NALF1: variants seen among roughly 807,000 people sequenced by gnomAD.
The protein encoded by NALF1 is family with sequence similarity 155 member A.
Under a neutral mutation model 48.4 loss-of-function variants are expected in NALF1, and 3 were observed. That is an observed-to-expected ratio of 0.06 (90% CI 0.03 to 0.16). NALF1 has a LOEUF of 0.16. NALF1 is among the 10% of genes least tolerant of loss of function. NALF1 has a pLI of 1.00. For synonymous variants in NALF1, 262 were observed against 245.7 expected, an observed-to-expected ratio of 1.07 and a Z score of -0.62; for missense variants, 526 against 571.5, an observed-to-expected ratio of 0.92 and a Z score of 0.81.
chr13:107,242,976 C>A (rs973084813), intron 1 of NALF1, among the ~76,000 whole-genome samples: 2 of 152,088 alleles, frequency 1.3e-5, no homozygotes, highest in African/African-American at 2.4e-5. Context: ...TAGGCCAAGC[C>A]ACCCTCCCTC....
intron 1 of NALF1, among the ~76,000 whole-genome samples, chr13:107,290,337 C>T (rs1416043665): frequency 2.0e-5 from 3 of 152,004 alleles, no homozygotes; most frequent in African/African-American, 7.2e-5. Context: ...AAAAAGATGT[C>T]GATACGGTTT....
chr13:107,514,309 A>G (rs1875986998), intron 1 of NALF1, among the ~76,000 whole-genome samples: 1 of 152,184 alleles, frequency 6.6e-6, no homozygotes, highest in South Asian at 2.1e-4. Context: ...TTACTTTCCT[A>G]CAGGTCCAAG....
chr13:107,756,841 ATTGT>A (rs1877114015), intron 1 of NALF1, among the ~76,000 whole-genome samples: 1 of 152,134 alleles, frequency 6.6e-6, no homozygotes, highest in Non-Finnish European at 1.5e-5. Context: ...GCATTGAAAA[ATTGT>A]TTGCTCACAT....
intron 1 of NALF1, among the ~76,000 whole-genome samples, chr13:107,823,243 A>G (rs1398602628): frequency 2.0e-5 from 3 of 152,176 alleles, no homozygotes; most frequent in African/African-American, 4.8e-5. Context: ...TCTTCAACAG[A>G]GAACTCTAAT....
chr13:107,753,949 T>A (rs777972076), intron 1 of NALF1, among the ~76,000 whole-genome samples: 1 of 151,986 alleles, frequency 6.6e-6, no homozygotes, highest in Admixed American at 6.6e-5. Flanking sequence ...CACTGGAGGG[T>A]GCTGTGCTCA....
chr13:107,173,875 T>C (rs1878856511), intron 2 of NALF1, among the ~76,000 whole-genome samples: 1 of 152,194 alleles, frequency 6.6e-6, no homozygotes, highest in African/African-American at 2.4e-5. Context: ...CTTCAGAACT[T>C]GTCCTTTAAT....
chr13:107,792,959 C>A (rs1878295722), intron 1 of NALF1, among the ~76,000 whole-genome samples: 1 of 152,140 alleles, frequency 6.6e-6, no homozygotes, highest in African/African-American at 2.4e-5. Flanking sequence ...AGGCGTGAAC[C>A]ACTGAGCCTG....
intron 1 of NALF1, among the ~76,000 whole-genome samples, chr13:107,786,095 G>GACA (rs1292627130): frequency 6.6e-6 from 1 of 152,192 alleles, no homozygotes; most frequent in Non-Finnish European, 1.5e-5. Context: ...ACTTAGCCAG[G>GACA]ACAAGGAACC....
intron 2 of NALF1, among the ~76,000 whole-genome samples, chr13:107,179,923 C>A (rs189968444): frequency 1.7e-4 from 25 of 145,314 alleles, no homozygotes; most frequent in Non-Finnish European, 9.0e-5. Context: ...TATAACGCAC[C>A]AGCATATTGG....
intron 1 of NALF1, among the ~76,000 whole-genome samples, chr13:107,217,670 C>T (rs1453873337): frequency 6.6e-6 from 1 of 152,112 alleles, no homozygotes; most frequent in Non-Finnish European, 1.5e-5. Context: ...TGGGGGTCAT[C>T]CGGGTGCCTC....
At chr13:107,349,422 C>A (rs1317388678) in intron 1 of NALF1, among the ~76,000 whole-genome samples, 2 of 152,084 alleles carry the variant, frequency 1.3e-5, no homozygotes, top group African/African-American at 2.4e-5. Context: ...CTGTGGAAGG[C>A]ACAATTAGTT....
At chr13:107,816,353 G>A (rs1372408876) in intron 1 of NALF1, among the ~76,000 whole-genome samples, 1 of 152,140 alleles carries the variant, frequency 6.6e-6, no homozygotes, top group African/African-American at 2.4e-5. Flanking sequence ...GGACTCACAG[G>A]TCCACGTGGC....
intron 1 of NALF1, among the ~76,000 whole-genome samples, chr13:107,860,687 G>A (rs765451549): frequency 9.9e-5 from 15 of 152,076 alleles, no homozygotes; most frequent in African/African-American, 2.4e-4. Context: ...GCAACACAGC[G>A]GATAAAGATT....
intron 1 of NALF1, among the ~76,000 whole-genome samples, chr13:107,596,452 A>C (rs1164094458): frequency 6.6e-6 from 1 of 152,238 alleles, no homozygotes; most frequent in Non-Finnish European, 1.5e-5. Context: ...TTGGATAAAG[A>C]AAATGTGGCA....
chr13:107,776,816 C>T lies in NALF1; in HGVS notation c.915+88866G>A, dbSNP rs372689306. On this transcript the variant is annotated intron_variant, in intron 1 of 2. Transcript: ENST00000375915. ...ATAAAAATACTGAAAATTGGCCGGA[C>T]ATGTTGGCTCATGCCTGCAATCCCA... Among the ~76,000 whole-genome samples, 86 of 152,178 alleles carry T rather than the reference C, an allele frequency of 5.7e-4. 1 individual carries two copies. Among genetic ancestry groups the T allele is most frequent in the African/African-American group, 1.8e-3 (75 of 41,436 alleles).
At chr13:107,556,641 A>G (rs1013415428) in intron 1 of NALF1, among the ~76,000 whole-genome samples, 1 of 147,766 alleles carries the variant, frequency 6.8e-6, no homozygotes, top group South Asian at 2.2e-4. Flanking sequence ...ACAGGCATGC[A>G]CTGCCCTGCC....
chr13:107,272,862 G>A (rs555356173), intron 1 of NALF1, among the ~76,000 whole-genome samples: 3 of 152,164 alleles, frequency 2.0e-5, no homozygotes, highest in Admixed American at 6.5e-5. Context: ...AAGGAAAGTC[G>A]GAGTCATATA....
intron 1 of NALF1, among the ~76,000 whole-genome samples, chr13:107,648,432 AG>A: frequency 6.6e-6 from 1 of 152,304 alleles, no homozygotes. Context: ...GTAATCATGC[AG>A]TACATAGCCA....
intron 1 of NALF1, among the ~76,000 whole-genome samples, chr13:107,679,889 T>G (rs1298001907): frequency 2.0e-5 from 3 of 152,236 alleles, no homozygotes; most frequent in Admixed American, 6.5e-5. Context: ...TGTATTTGAA[T>G]CCACTGACTC....
Sources: allele counts gnomAD v4.1 joint callset (sites outside exome capture counted in the v4.1 genomes callset), GRCh38; gene constraint gnomAD v4.1.1; transcripts MANE v1.5; gene names NCBI Gene and HGNC (gene_info 2026-07-23, HGNC 2026-07-21).